SYN3: variants seen among roughly 807,000 people sequenced by gnomAD.
SYN3 encodes the protein synapsin-3.
Under a neutral mutation model 65.8 loss-of-function variants are expected in SYN3, and 35 were observed. That is an observed-to-expected ratio of 0.53 (90% confidence interval 0.41 to 0.70). The LOEUF is 0.70. SYN3 is among the 30% of genes least tolerant of loss of function. The probability of loss-of-function intolerance (pLI) is 0.00; values close to 1 mark genes in which losing one functional copy is unlikely to be tolerated. For synonymous variants in SYN3, 270 were observed against 292.9 expected (o/e 0.92, Z 0.80); for missense variants, 680 against 749.0 (o/e 0.91, Z 1.08).
intron 6 of SYN3, among the ~76,000 whole-genome samples, chr22:32,826,719 G>A (rs111263406): frequency 1.3e-5 from 2 of 152,288 alleles, no homozygotes; most frequent in African/African-American, 4.8e-5. Flanking sequence ...AATGTACTAC[G>A]TGTCTTCAGA....
intron 3 of SYN3, among the ~76,000 whole-genome samples, chr22:32,975,514 T>C (rs1297450872): frequency 3.9e-5 from 6 of 152,160 alleles, no homozygotes; most frequent in Non-Finnish European, 7.4e-5. Flanking sequence ...AGGCTGGTCA[T>C]GAACTCCTGG....
At chr22:32,966,740 C>T (rs533518313) in intron 3 of SYN3, among the ~76,000 whole-genome samples, 20 of 152,172 alleles carry the variant, frequency 1.3e-4, no homozygotes, top group Admixed American at 5.2e-4. Context: ...TACAGTGAGA[C>T]CCTGTCTCTA....
intron 1 of SYN3, among the ~76,000 whole-genome samples, chr22:33,011,730 A>G (rs1392458028): frequency 7.2e-5 from 11 of 152,136 alleles, no homozygotes; most frequent in Non-Finnish European, 1.5e-5. Context: ...AGTTTTTAAT[A>G]ATGAATTCAA....
At position 32,971,464 on chromosome 22, in the gene SYN3, C is replaced by T. The variant is rs1478548956; in HGVS notation, c.369+9181G>A. ...CAAAACAAGGCTTAGTGGATCAGAGCGGGTAGAGTTCTGTCCGACTCAGTC... is the reference window on the plus strand; with the variant it reads ...CAAAACAAGGCTTAGTGGATCAGAGTGGGTAGAGTTCTGTCCGACTCAGTC... On this transcript the variant is annotated intron_variant, in intron 3 of 13. Coordinates refer to ENST00000358763, the MANE Select transcript of SYN3 (RefSeq NM_003490.4). Among the ~76,000 whole-genome samples, 4 of 152,230 alleles carry T rather than the reference C, an allele frequency of 2.6e-5. 1 individual carries two copies. The highest frequency in any genetic ancestry group is 2.1e-4 in the South Asian group (1 of 4,812).
intron 6 of SYN3, among the ~76,000 whole-genome samples, chr22:32,788,250 A>AC (rs398121803): frequency 1.3e-5 from 2 of 151,916 alleles, no homozygotes. Flanking sequence ...ATTAAAAAAA[A>AC]CATGAATTTG....
At chr22:32,741,778 T>C (rs1436252541) in intron 6 of SYN3, among the ~76,000 whole-genome samples, 1 of 152,216 alleles carries the variant, frequency 6.6e-6, no homozygotes, top group Non-Finnish European at 1.5e-5. Flanking sequence ...GTTCACTTTA[T>C]AGATCAGTTT....
chr22:32,706,329 A>G (rs529558334), intron 6 of SYN3, among the ~76,000 whole-genome samples: 4 of 152,366 alleles, frequency 2.6e-5, no homozygotes, highest in East Asian at 1.9e-4. Flanking sequence ...AAGCGACACC[A>G]TAAGTACAGA....
At chr22:32,930,265 C>T (rs1367887123) in intron 4 of SYN3, among the ~76,000 whole-genome samples, 3 of 152,046 alleles carry the variant, frequency 2.0e-5, no homozygotes, top group African/African-American at 7.2e-5. Context: ...ATGCTGTTCT[C>T]GTGTTAGTGA....
At chr22:32,869,688 TG>T (rs377326859) in intron 4 of SYN3, among the ~76,000 whole-genome samples, 27 of 123,930 alleles carry the variant, frequency 2.2e-4, no homozygotes, top group South Asian at 5.2e-4. Flanking sequence ...CAACACATCT[TG>T]GTTTTTTTTT....
At chr22:32,726,854 C>T (rs1454862612) in intron 6 of SYN3, among the ~76,000 whole-genome samples, 1 of 152,152 alleles carries the variant, frequency 6.6e-6, no homozygotes, top group Non-Finnish European at 1.5e-5. Context: ...TTCTTACTAT[C>T]CCACAACCCA....
chr22:32,727,250 G>C (rs1415529380), intron 6 of SYN3, among the ~76,000 whole-genome samples: 5 of 152,140 alleles, frequency 3.3e-5, no homozygotes, highest in Non-Finnish European at 7.3e-5. Flanking sequence ...TTGGTTTTCT[G>C]TTCCTGCATT....
rs80059954 is a variant in SYN3 at position 32,579,785 on chromosome 22, T to A, written c.774+16889A>T. On this transcript the variant is annotated intron_variant, in intron 7 of 13. Coordinates refer to ENST00000358763, the MANE Select transcript of SYN3 (RefSeq NM_003490.4). ...GGAACAACAGGGTTTGATGGACTGTTTGGGGAACTGTCTAATTATCCTGCT... is the reference window on the plus strand; with the variant it reads ...GGAACAACAGGGTTTGATGGACTGTATGGGGAACTGTCTAATTATCCTGCT... Among the ~76,000 whole-genome samples, 672 of 152,276 alleles carry A rather than the reference T, an allele frequency of 4.4e-3. 3 individuals carry two copies. Among genetic ancestry groups the A allele is most frequent in the African/African-American group, 0.015 (642 of 41,554 alleles).
intron 6 of SYN3, among the ~76,000 whole-genome samples, chr22:32,730,504 G>A (rs2061256034): frequency 6.6e-6 from 1 of 152,200 alleles, no homozygotes; most frequent in South Asian, 2.1e-4. Context: ...AACTTGATGG[G>A]AGAGGATGAG....
intron 6 of SYN3, chr22:32,857,101 A>C: frequency 1.4e-6 from 1 of 712,012 alleles, no homozygotes; most frequent in Non-Finnish European, 2.6e-6. Flanking sequence ...GGCTATTGTG[A>C]ATATTGCTGC....
intron 6 of SYN3, among the ~76,000 whole-genome samples, chr22:32,697,467 G>A (rs1180501549): frequency 6.6e-6 from 1 of 152,188 alleles, no homozygotes; most frequent in African/African-American, 2.4e-5. Context: ...AGGCATGTAA[G>A]AGGCATTCCA....
intron 7 of SYN3, among the ~76,000 whole-genome samples, chr22:32,579,497 C>T (rs532104447): frequency 5.3e-5 from 8 of 152,286 alleles, no homozygotes; most frequent in South Asian, 2.1e-4. Context: ...TGGGCAGAGT[C>T]CTCATGACTT....
intron 6 of SYN3, among the ~76,000 whole-genome samples, chr22:32,666,711 T>TGC (rs2060294396): frequency 6.6e-5 from 10 of 152,250 alleles, no homozygotes; most frequent in African/African-American, 2.4e-4. Flanking sequence ...TATCTCCATC[T>TGC]AACATGCCAT....
chr22:32,922,560 G>T (rs1374666583), intron 4 of SYN3, among the ~76,000 whole-genome samples: 1 of 152,072 alleles, frequency 6.6e-6, no homozygotes, highest in Non-Finnish European at 1.5e-5. Flanking sequence ...CGGATCCAGA[G>T]CCTTGAATAA....
At chr22:33,050,366 C>G (rs2054143139) in intron 1 of SYN3, among the ~76,000 whole-genome samples, 1 of 151,742 alleles carries the variant, frequency 6.6e-6, no homozygotes, top group South Asian at 2.1e-4. Context: ...GTCAGTAGTC[C>G]CAGCTACTCG....
Sources: gnomAD v4.1 joint callset for allele counts (sites outside exome capture counted in the v4.1 genomes callset) on GRCh38, gnomAD v4.1.1 for gene constraint, MANE v1.5 for transcripts, NCBI Gene and HGNC (gene_info 2026-07-23, HGNC 2026-07-21) for gene names.